POLA2: variants seen among roughly 807,000 people sequenced by gnomAD.
The protein encoded by POLA2 is DNA polymerase alpha 2, accessory subunit, also known as DNA polymerase alpha subunit B.
Under a neutral mutation model 82.8 loss-of-function variants are expected in POLA2, and 47 were observed. That is an observed-to-expected ratio of 0.57 (90% CI 0.45 to 0.72). POLA2 has a LOEUF of 0.72. POLA2 is among the 30% of genes least tolerant of loss of function. The pLI is 0.00. For missense variants in POLA2, 634 were observed against 728.1 expected, an observed-to-expected ratio of 0.87 and a Z score of 1.49; for synonymous variants, 287 against 286.8, an observed-to-expected ratio of 1.00 and a Z score of -0.01.
At chr11:65,262,628 C>T (rs1430758878) in intron 1 of POLA2, among the ~76,000 whole-genome samples, 1 of 152,104 alleles carries the variant, frequency 6.6e-6, no homozygotes, top group Non-Finnish European at 1.5e-5. Flanking sequence ...CTCGAAGTTC[C>T]CGAAAGGCGG....
chr11:65,297,145 A>G lies in POLA2; in HGVS notation c.1673A>G (p.Asn558Ser), dbSNP rs991956480. ...VKDVLGCVCV[N>S]PGRLTKGQVG... ...GATGTCCTCGGCTGTGTCTGTGTGA[A>G]CCCTGGGCGCCTTACCAAAGGGCAG... is the stretch of plus-strand genomic sequence containing the variant. The change falls in exon 18 of 18, where the codon AAC becomes AGC. Residue 558 changes from asparagine (N) to serine (S), a missense_variant. Physicochemically the swap from Asn to Ser is conservative, Grantham distance 46. Transcript: ENST00000265465. 1 of 1,613,384 alleles carries G rather than the reference A, an allele frequency of 6.2e-7. No individual in the cohort carries two copies. The highest frequency in any genetic ancestry group is 8.5e-7 in the Non-Finnish European group (1 of 1,179,864).
chr11:65,270,447 G>A (rs1949510099), intron 4 of POLA2, among the ~76,000 whole-genome samples: 1 of 152,174 alleles, frequency 6.6e-6, no homozygotes, highest in South Asian at 2.1e-4. Flanking sequence ...AAAACCAGGT[G>A]CATATAATAT....
At chr11:65,294,339 A>G in intron 14 of POLA2, 78 bp downstream of exon 14, 3 of 1,204,520 alleles carry the variant, frequency 2.5e-6, no homozygotes, top group Non-Finnish European at 3.7e-6. Context: ...CCTGAAGGGG[A>G]GGGTGGAGAG....
chr11:65,283,368 G>A (rs1456594716), intron 10 of POLA2, among the ~76,000 whole-genome samples: 1 of 152,150 alleles, frequency 6.6e-6, no homozygotes, highest in African/African-American at 2.4e-5. Context: ...TACCTAACAT[G>A]TTAAGATTAG....
At chr11:65,282,202 AC>A (rs1458802563) in intron 9 of POLA2, among the ~76,000 whole-genome samples, 3 of 152,184 alleles carry the variant, frequency 2.0e-5, no homozygotes, top group Non-Finnish European at 4.4e-5. Flanking sequence ...TACTTTAGGC[AC>A]CTGTTTTGCT....
chr11:65,300,002 G>A (rs529922302), downstream of POLA2, among the ~76,000 whole-genome samples: 1 of 152,076 alleles, frequency 6.6e-6, no homozygotes, highest in South Asian at 2.1e-4. Context: ...TAAAGTGTAT[G>A]ATTCAGTGGT....
chr11:65,296,033 GT>G lies in POLA2; in HGVS notation c.1647+44del, dbSNP rs765858134. On this transcript the variant is annotated intron_variant, in intron 17 of 17. Transcript: ENST00000265465. ...TTTTTCCCAGAAACACCAGAACCCA[GT>G]CTTTGACTTTCCCTTCTAGACCACC... The G allele has an allele frequency of 1.2e-5, 19 of 1,612,270 alleles. No individual in the cohort carries two copies. The South Asian group carries it at 2.1e-4, about 18-fold the overall frequency.
intron 13 of POLA2, among the ~76,000 whole-genome samples, chr11:65,292,078 A>G (rs1009827480): frequency 6.6e-6 from 1 of 152,194 alleles, no homozygotes; most frequent in Non-Finnish European, 1.5e-5. Context: ...ATCTCTACTA[A>G]AAATACAAAA....
chr11:65,284,409 G>T (rs866514137), intron 10 of POLA2, among the ~76,000 whole-genome samples: 2 of 152,100 alleles, frequency 1.3e-5, no homozygotes, highest in Non-Finnish European at 2.9e-5. Context: ...TTGAGCCCAG[G>T]AAGTCAAGGC....
In POLA2 at chr11:65,295,509, T is replaced by C. The variant is rs1026428235; in HGVS notation, c.1461-31T>C. ...AAGAGAAATGGGCTGAAAAACAGAG[T>C]TCTGTTTTCATGCTTTCTTTTCTTT... On this transcript the variant is annotated intron_variant, in intron 15 of 17. Transcript: ENST00000265465. The C allele has an allele frequency of 2.5e-6, 4 of 1,583,444 alleles. No individual in the cohort carries two copies. The African/African-American group carries it at 4.0e-5, about 16-fold the overall frequency.
chr11:65,273,165 CA>C (rs1198732919), intron 4 of POLA2, among the ~76,000 whole-genome samples: 1 of 150,720 alleles, frequency 6.6e-6, no homozygotes, highest in African/African-American at 2.4e-5. Context: ...ACTAAAAATA[CA>C]AAAATTATCC....
chr11:65,300,117 C>A (rs1274599506), downstream of POLA2, among the ~76,000 whole-genome samples: 1 of 152,196 alleles, frequency 6.6e-6, no homozygotes, highest in Non-Finnish European at 1.5e-5. Context: ...CTAATCCCAT[C>A]CCCTGGCAAT....
intron 1 of POLA2, 143 bp downstream of exon 1, chr11:65,262,514 A>G (rs1209879659): frequency 4.5e-6 from 3 of 666,776 alleles, no homozygotes; most frequent in Non-Finnish European, 7.5e-6. Context: ...TGAAGAATCA[A>G]ACTTGAGTTT....
At position 65,298,031 on chromosome 11, in the gene POLA2, G is replaced by C. The variant is rs1038149461; in HGVS notation, c.*762G>C. 6.6e-6 allele frequency: 1 copy of C among 152,382 alleles called. No homozygotes were observed. Among genetic ancestry groups the C allele is most frequent in the African/African-American group, 2.4e-5 (1 of 41,464 alleles). 9.4% of individuals were successfully genotyped at this position (152,382 alleles called of 1,614,324 possible). On this transcript the variant is annotated 3_prime_UTR_variant, in exon 18 of 18. Transcript: ENST00000265465. ...TATGTCCAGAGAAGGCAGAGTGTCA[G>C]TCACACTGGGTTTCTATCCAGCCCC... is the stretch of plus-strand genomic sequence containing the variant.
intron 13 of POLA2, among the ~76,000 whole-genome samples, chr11:65,290,404 C>T (rs1949742591): frequency 6.6e-6 from 1 of 151,188 alleles, no homozygotes; most frequent in African/African-American, 2.4e-5. Context: ...GGCGTGGTGG[C>T]ACATGCCTGT....
At chr11:65,268,359 T>TA (rs1949485111) in intron 3 of POLA2, among the ~76,000 whole-genome samples, 2 of 146,386 alleles carry the variant, frequency 1.4e-5, no homozygotes, top group Admixed American at 6.8e-5. Flanking sequence ...TTATTATTAT[T>TA]TTTTTTTTTT....
At chr11:65,289,755 C>A in intron 12 of POLA2, 44 bp from the exon 13 acceptor site, 1 of 1,304,922 alleles carries the variant, frequency 7.7e-7, no homozygotes. Flanking sequence ...TGAATAAACA[C>A]CAAACATCTG....
Position 65,279,579 on chromosome 11 carries a change from G to C in POLA2, c.697G>C (p.Glu233Gln), listed in dbSNP as rs1175258659. 1 of 1,613,708 alleles carries C rather than the reference G, an allele frequency of 6.2e-7. No homozygotes were observed. Among genetic ancestry groups the C allele is most frequent in the Non-Finnish European group, 8.5e-7 (1 of 1,179,834 alleles). Reference sequence around the variant, plus strand: ...AGAAGAACTTGGCAGCGAACTCAAGGAACATTACAAGATTGAAGCTTTCAC... The same window carrying C: ...AGAAGAACTTGGCAGCGAACTCAAGCAACATTACAAGATTGAAGCTTTCAC... ...KIEELGSELK[E>Q]HYKIEAFTPL... Residue 233 changes from glutamate to glutamine, a missense_variant, in exon 7 of 18, where the codon GAA becomes CAA. Transcript: ENST00000265465.
intron 7 of POLA2, chr11:65,279,944 A>C: frequency 7.4e-6 from 2 of 271,912 alleles, no homozygotes; most frequent in Non-Finnish European, 1.4e-5. Context: ...ACGTATCGAG[A>C]TAAAAGGACA....
Sources: allele counts gnomAD v4.1 joint callset (sites outside exome capture counted in the v4.1 genomes callset), GRCh38; gene constraint gnomAD v4.1.1; transcripts MANE v1.5; gene names NCBI Gene and HGNC (gene_info 2026-07-23, HGNC 2026-07-21).